PPARGC1A: variants seen among roughly 807,000 people sequenced by gnomAD.
The protein encoded by PPARGC1A is peroxisome proliferator-activated receptor gamma coactivator 1-alpha.
A neutral mutation model predicts 88.7 loss-of-function variants in PPARGC1A; 25 were observed. The ratio of observed to expected loss-of-function variants is 0.28; its 90% CI spans 0.21 to 0.39. The LOEUF is 0.39. Among genes scored for constraint, PPARGC1A ranks in the 10% least tolerant of loss-of-function variants. The probability of loss-of-function intolerance (pLI) is 1.00; values close to 1 mark genes in which losing one functional copy is unlikely to be tolerated. For synonymous variants in PPARGC1A, 363 were observed against 355.6 expected (o/e 1.02, Z -0.24); for missense variants, 880 against 968.7 (o/e 0.91, Z 1.22).
At chr4:23,807,148 A>G (rs1719954257) in intron 10 of PPARGC1A, among the ~76,000 whole-genome samples, 1 of 152,174 alleles carries the variant, frequency 6.6e-6, no homozygotes, top group Non-Finnish European at 1.5e-5. Context: ...CAAAGATATT[A>G]TAAATTGAGT....
chr4:24,243,882 G>A, the PPARGC1A span, among the ~76,000 whole-genome samples: 2 of 152,114 alleles, frequency 1.3e-5, no homozygotes, highest in East Asian at 1.9e-4. Context: ...CTTAACATTT[G>A]TCACCCTCAT....
chr4:24,435,412 C>G, the PPARGC1A span, among the ~76,000 whole-genome samples: 9 of 152,342 alleles, frequency 5.9e-5, 1 homozygote, highest in South Asian at 1.9e-3. Flanking sequence ...AAGCTGTTTC[C>G]CCTGCATGGA....
the PPARGC1A span, among the ~76,000 whole-genome samples, chr4:24,381,726 C>T: frequency 6.6e-6 from 1 of 152,138 alleles, no homozygotes; most frequent in Non-Finnish European, 1.5e-5. Flanking sequence ...AACGTGGTAC[C>T]AGGAATGAAT....
At chr4:23,857,103 A>G (rs900766782) in intron 2 of PPARGC1A, among the ~76,000 whole-genome samples, 5 of 152,096 alleles carry the variant, frequency 3.3e-5, no homozygotes, top group Non-Finnish European at 1.5e-5. Flanking sequence ...ATGATTTCTC[A>G]GGAATAGCAA....
the PPARGC1A span, among the ~76,000 whole-genome samples, chr4:24,022,596 G>A: frequency 1.3e-5 from 2 of 152,180 alleles, no homozygotes; most frequent in African/African-American, 4.8e-5. Flanking sequence ...CAATGAGCCA[G>A]GGAGGTGAAG....
At chr4:23,823,185 G>C (rs1723320855) in intron 7 of PPARGC1A, among the ~76,000 whole-genome samples, 1 of 151,784 alleles carries the variant, frequency 6.6e-6, no homozygotes, top group Non-Finnish European at 1.5e-5. Flanking sequence ...GTGGATGGGT[G>C]GAATTGGAAA....
At chr4:24,358,052 A>G in the PPARGC1A span, among the ~76,000 whole-genome samples, 330 of 152,338 alleles carry the variant, frequency 2.2e-3, no homozygotes, top group Non-Finnish European at 4.0e-3. Flanking sequence ...TATATCAGGC[A>G]ATGTTCCAGG....
the PPARGC1A span, among the ~76,000 whole-genome samples, chr4:24,307,417 A>G: frequency 1.3e-5 from 2 of 152,186 alleles, no homozygotes; most frequent in Non-Finnish European, 2.9e-5. Context: ...TAAAGAGAAA[A>G]ACACACTTTT....
chr4:24,162,034 T>TA, the PPARGC1A span, among the ~76,000 whole-genome samples: 21 of 141,980 alleles, frequency 1.5e-4, no homozygotes, highest in Admixed American at 1.1e-3. Context: ...TATTCAGCCA[T>TA]AAAAAAGGAA....
the PPARGC1A span, among the ~76,000 whole-genome samples, chr4:24,307,556 A>G: frequency 2.0e-5 from 3 of 152,190 alleles, no homozygotes; most frequent in Non-Finnish European, 2.9e-5. Context: ...AGCTATCCCC[A>G]AAATAAGAGG....
chr4:24,365,830 T>G, the PPARGC1A span, among the ~76,000 whole-genome samples: 2 of 152,194 alleles, frequency 1.3e-5, no homozygotes, highest in Admixed American at 6.5e-5. Flanking sequence ...TTAGTCAGCC[T>G]CCTATGCACA....
chr4:24,275,049 T>C, the PPARGC1A span, among the ~76,000 whole-genome samples: 1 of 152,390 alleles, frequency 6.6e-6, no homozygotes, highest in African/African-American at 2.4e-5. Flanking sequence ...GATAGTCTTA[T>C]GCTTTCTACA....
At chr4:24,177,058 G>A in the PPARGC1A span, among the ~76,000 whole-genome samples, 8,570 of 152,188 alleles carry the variant, frequency 0.056, 345 homozygotes, top group African/African-American at 0.11. Flanking sequence ...AGTCAGTGTG[G>A]TGATTCCTCA....
At chr4:24,164,526 G>A in the PPARGC1A span, among the ~76,000 whole-genome samples, 1 of 152,104 alleles carries the variant, frequency 6.6e-6, no homozygotes, top group African/African-American at 2.4e-5. Context: ...CATAATCTCT[G>A]ACTGTATCTC....
the PPARGC1A span, among the ~76,000 whole-genome samples, chr4:24,365,603 G>T: frequency 6.6e-6 from 1 of 151,932 alleles, no homozygotes; most frequent in Non-Finnish European, 1.5e-5. Context: ...AATCCTTCTT[G>T]TTCTTAAGCA....
At chr4:24,470,944 G>A in the PPARGC1A span, among the ~76,000 whole-genome samples, 1 of 151,762 alleles carries the variant, frequency 6.6e-6, no homozygotes, top group African/African-American at 2.4e-5. This position sits in a 1 kb window ranked among gnomAD's most constrained non-coding sequence, Gnocchi z 5.8. Context: ...CGGCGGCGGC[G>A]AACATTTTTC....
At chr4:24,445,008 C>T in the PPARGC1A span, among the ~76,000 whole-genome samples, 32 of 151,892 alleles carry the variant, frequency 2.1e-4, no homozygotes, top group Admixed American at 7.9e-4. Context: ...GCTGTGATTG[C>T]GCCACTTGCA....
chr4:24,288,628 T>C, the PPARGC1A span, among the ~76,000 whole-genome samples: 14 of 152,324 alleles, frequency 9.2e-5, no homozygotes, highest in African/African-American at 3.4e-4. Flanking sequence ...CTAATAAAGT[T>C]GACAGGAAGA....
At chr4:24,378,693 A>G in the PPARGC1A span, among the ~76,000 whole-genome samples, 69 of 152,314 alleles carry the variant, frequency 4.5e-4, no homozygotes, top group Non-Finnish European at 8.8e-4. Flanking sequence ...TATATGTAAC[A>G]TTTTTATGAA....
Sources: gnomAD v4.1 joint callset for allele counts (sites outside exome capture counted in the v4.1 genomes callset) on GRCh38, gnomAD v4.1.1 for gene constraint, Gnocchi (gnomAD v3.1) non-coding constraint, MANE v1.5 for transcripts, NCBI Gene and HGNC (gene_info 2026-07-23, HGNC 2026-07-21) for gene names.